Variants in SMARCC1 observed in about 807,000 individuals in gnomAD.
SMARCC1 encodes the protein SWI/SNF complex subunit SMARCC1.
SMARCC1 carries 43 observed loss-of-function variants against 147.4 expected under a neutral mutation model. The observed-to-expected ratio is 0.29, with a 90% CI of 0.23 to 0.38. SMARCC1 has a LOEUF of 0.38. Among genes scored for constraint, SMARCC1 ranks in the 10% least tolerant of loss-of-function variants. SMARCC1 has a pLI of 1.00. For missense variants in SMARCC1, 1,119 were observed against 1,381.1 expected (o/e 0.81, Z 3.01); for synonymous variants, 495 against 484.4 (o/e 1.02, Z -0.29).
chr3:47,623,031 T>C (rs779967133), intron 24 of SMARCC1, among the ~76,000 whole-genome samples: 19 of 152,040 alleles, frequency 1.2e-4, no homozygotes, highest in South Asian at 4.1e-4. Flanking sequence ...CCACCCTCTA[T>C]AGACGTCATC....
At chr3:47,721,910 C>G (rs1373184384) in intron 6 of SMARCC1, among the ~76,000 whole-genome samples, 1 of 152,070 alleles carries the variant, frequency 6.6e-6, no homozygotes, top group Non-Finnish European at 1.5e-5. Context: ...CTCCCAGCTA[C>G]TCAGGAGGCT....
intron 26 of SMARCC1, among the ~76,000 whole-genome samples, chr3:47,598,860 G>GACACACAC (rs1344671995): frequency 8.8e-5 from 11 of 125,016 alleles, no homozygotes; most frequent in African/African-American, 3.2e-4. Context: ...AAGAGAGAGA[G>GACACACAC]AGACACACAC....
chr3:47,613,441 T>C (rs971156052), intron 25 of SMARCC1, among the ~76,000 whole-genome samples: 1 of 150,840 alleles, frequency 6.6e-6, no homozygotes, highest in Admixed American at 6.6e-5. Context: ...TAGAGTGCAG[T>C]GGTCGCCTTC....
intron 26 of SMARCC1, among the ~76,000 whole-genome samples, chr3:47,597,818 C>A (rs966678521): frequency 6.6e-6 from 1 of 152,080 alleles, no homozygotes; most frequent in African/African-American, 2.4e-5. Flanking sequence ...GAAGGAAGGG[C>A]GAGCATGGAG....
chr3:47,672,194 A>AG lies in SMARCC1; in HGVS notation c.1840-1478dup, dbSNP rs2033510210. ...CCTGTATCTATAACGCAGAATATAC[A>AG]GCTCAGGTCCCCAAGGATTACTTTT... On this transcript the variant is annotated intron_variant, in intron 18 of 27. Coordinates refer to ENST00000254480, the MANE Select transcript of SMARCC1 (RefSeq NM_003074.4). Among the ~76,000 whole-genome samples the AG allele has an allele frequency of 5.3e-5, 8 of 152,238 alleles. No individual in the cohort carries two copies. In the South Asian group the frequency reaches 1.7e-3, roughly 32 times the overall value.
At chr3:47,741,003 T>G (rs1224084178) in intron 3 of SMARCC1, among the ~76,000 whole-genome samples, 17 of 152,028 alleles carry the variant, frequency 1.1e-4, no homozygotes, top group Admixed American at 1.1e-3. Context: ...TACCTCCAGA[T>G]AGAAGAATAA....
chr3:47,714,766 TCTAGGCAACAGAGTGATACC>T (rs1287068400), intron 7 of SMARCC1, among the ~76,000 whole-genome samples: 1 of 152,022 alleles, frequency 6.6e-6, no homozygotes, highest in Non-Finnish European at 1.5e-5. Flanking sequence ...TGCACTTCAG[TCTAGGCAACAGAGTGATACC>T]CTATCTCGAA....
chr3:47,777,591 G>A (rs1172548016), intron 1 of SMARCC1, among the ~76,000 whole-genome samples: 2 of 151,812 alleles, frequency 1.3e-5, no homozygotes, highest in South Asian at 2.1e-4. Flanking sequence ...GCAATGGCCC[G>A]ATCTCAGCTC....
intron 11 of SMARCC1, among the ~76,000 whole-genome samples, chr3:47,698,708 A>C (rs1347829945): frequency 1.3e-5 from 2 of 152,132 alleles, no homozygotes; most frequent in Admixed American, 1.3e-4. Context: ...CTGGTGCTAA[A>C]ACTTACATGG....
intron 2 of SMARCC1, among the ~76,000 whole-genome samples, chr3:47,753,875 T>G (rs769321228): frequency 1.3e-5 from 2 of 152,132 alleles, no homozygotes; most frequent in Non-Finnish European, 2.9e-5. Flanking sequence ...AAGCAGAGAA[T>G]GTGTCCAAGA....
intron 10 of SMARCC1, among the ~76,000 whole-genome samples, chr3:47,703,898 G>T (rs1345565503): frequency 6.6e-6 from 1 of 152,176 alleles, no homozygotes; most frequent in African/African-American, 2.4e-5. Flanking sequence ...CTGGGTTCAT[G>T]CCATTCTCCT....
intron 24 of SMARCC1, among the ~76,000 whole-genome samples, chr3:47,628,333 TCTGTGTCA>T (rs1559629269): frequency 6.6e-6 from 1 of 152,204 alleles, no homozygotes; most frequent in Non-Finnish European, 1.5e-5. Flanking sequence ...AAACTAGTTT[TCTGTGTCA>T]CCTCTACAAG....
At chr3:47,654,111 T>C (rs2033227662) in intron 21 of SMARCC1, among the ~76,000 whole-genome samples, 1 of 152,210 alleles carries the variant, frequency 6.6e-6, no homozygotes, top group Non-Finnish European at 1.5e-5. Flanking sequence ...AAAATGTGTT[T>C]TCAAAACATA....
intron 9 of SMARCC1, among the ~76,000 whole-genome samples, chr3:47,710,429 A>G (rs2034070571): frequency 6.6e-6 from 1 of 152,114 alleles, no homozygotes; most frequent in Admixed American, 6.6e-5. Flanking sequence ...AATCAGCTAT[A>G]CCACTACCCT....
At chr3:47,667,249 C>T (rs1352206441) in intron 19 of SMARCC1, among the ~76,000 whole-genome samples, 2 of 150,056 alleles carry the variant, frequency 1.3e-5, no homozygotes, top group Non-Finnish European at 3.0e-5. Context: ...ACCCGGGAGG[C>T]GGAGCTTGCA....
At chr3:47,712,238 A>T (rs2034092378) in intron 8 of SMARCC1, among the ~76,000 whole-genome samples, 1 of 152,160 alleles carries the variant, frequency 6.6e-6, no homozygotes, top group African/African-American at 2.4e-5. Context: ...GTCTCAAAAT[A>T]AATAACTAAC....
At chr3:47,744,523 T>A (rs1457523568) in intron 3 of SMARCC1, among the ~76,000 whole-genome samples, 1 of 152,000 alleles carries the variant, frequency 6.6e-6, no homozygotes, top group Non-Finnish European at 1.5e-5. Context: ...TCTAAATATT[T>A]ATTTGCACTT....
At position 47,749,504 on chromosome 3, in the gene SMARCC1, T is replaced by C. The variant is rs562430095; in HGVS notation, c.316-3511A>G. Among the ~76,000 whole-genome samples the C allele has an allele frequency of 6.0e-5, 9 of 150,988 alleles. No individual in the cohort carries two copies. In the South Asian group the frequency reaches 6.3e-4, roughly 11 times the overall value. ...AGCGAAACCTCATCTATAAAATAAA[T>C]TATAAAACAAAAATGAGCCGTGTAT... On this transcript the variant is annotated intron_variant, in intron 2 of 27. Transcript: ENST00000254480.
In SMARCC1 at chr3:47,595,740, TTC is replaced by T. The variant is rs1559621545; in HGVS notation, c.3044-4905_3044-4904del. 1.2e-4 allele frequency among the ~76,000 whole-genome samples: 18 copies of T among 148,648 alleles called. 2 individuals are homozygous for T. Among genetic ancestry groups the T allele is most frequent in the Admixed American group, 2.7e-4 (4 of 14,944 alleles). ...GGCTTATAAAGGTTTCTTTTTCTTT[TTC>T]TTTTTTTTTGAGACGGGAGTCTCAC... On this transcript the variant is annotated intron_variant, in intron 26 of 27. Transcript: ENST00000254480.
Sources: allele counts gnomAD v4.1 joint callset (sites outside exome capture counted in the v4.1 genomes callset), GRCh38; gene constraint gnomAD v4.1.1; transcripts MANE v1.5; gene names NCBI Gene and HGNC (gene_info 2026-07-23, HGNC 2026-07-21).